Variants in FBXO4 observed in about 807,000 individuals in gnomAD.
The protein encoded by FBXO4 is F-box only protein 4.
In FBXO4, 36 loss-of-function variants were observed where a neutral mutation model predicts 43.7. The observed-to-expected ratio is 0.82, with a 90% CI of 0.63 to 1.09. The LOEUF is 1.09. Ranked by LOEUF, FBXO4 falls within the 50% of genes least tolerant of loss-of-function variation. FBXO4 has a pLI of 0.00. For synonymous variants in FBXO4, 180 were observed against 165.6 expected (o/e 1.09, Z -0.67); for missense variants, 435 against 474.1 (o/e 0.92, Z 0.77).
chr5:41,939,337 A>G (rs1751935772), intron 5 of FBXO4, 104 bp from the exon 6 acceptor site: 1 of 1,018,444 alleles, frequency 9.8e-7, no homozygotes, highest in Non-Finnish European at 1.4e-6. Flanking sequence ...TTATGTTTGG[A>G]TCCTGGTAAA....
chr5:41,961,276 A>G, the FBXO4 span, among the ~76,000 whole-genome samples: 1 of 152,234 alleles, frequency 6.6e-6, no homozygotes, highest in South Asian at 2.1e-4. Context: ...GATGGCTGCT[A>G]AGGTCCTCCC....
chr5:41,977,415 T>A, the FBXO4 span, among the ~76,000 whole-genome samples: 1 of 152,216 alleles, frequency 6.6e-6, no homozygotes, highest in Non-Finnish European at 1.5e-5. Context: ...CCATATCTGA[T>A]TGCAGGCTGT....
the FBXO4 span, among the ~76,000 whole-genome samples, chr5:41,982,030 G>A: frequency 6.6e-6 from 1 of 151,920 alleles, no homozygotes; most frequent in Non-Finnish European, 1.5e-5. Flanking sequence ...ATAATTTGCT[G>A]AGAATGATGG....
At chr5:41,941,829 T>G (rs1752010642), downstream of FBXO4, 1 of 152,356 alleles carries the variant, frequency 6.6e-6, no homozygotes, top group South Asian at 2.1e-4. Flanking sequence ...TCATATTTAA[T>G]ACTGCTTTAG....
At chr5:41,955,675 T>G in the FBXO4 span, among the ~76,000 whole-genome samples, 1 of 152,190 alleles carries the variant, frequency 6.6e-6, no homozygotes, top group Admixed American at 6.5e-5. Flanking sequence ...AAGAGAGTGC[T>G]GCCTAGCGAG....
the FBXO4 span, chr5:41,967,897 T>C: frequency 2.7e-5 from 15 of 565,508 alleles, no homozygotes; most frequent in East Asian, 7.4e-4. Context: ...TATCTCACTG[T>C]TGATTCCCAC....
chr5:41,999,536 C>CACAT, the FBXO4 span, among the ~76,000 whole-genome samples: 1 of 79,882 alleles, frequency 1.3e-5, no homozygotes, highest in South Asian at 3.5e-4. Context: ...TATATATATA[C>CACAT]ATATATATGT....
chr5:41,948,137 C>CTTTT, the FBXO4 span, among the ~76,000 whole-genome samples: 2 of 138,054 alleles, frequency 1.4e-5, no homozygotes, highest in African/African-American at 5.5e-5. Flanking sequence ...TGGCTACAAT[C>CTTTT]TTTTTTTTTT....
chr5:41,925,348 G>C lies in FBXO4; in HGVS notation c.39G>C (p.Pro13=), dbSNP rs1172550941. 2 of 1,366,074 alleles carry C rather than the reference G, an allele frequency of 1.5e-6. No individual in the cohort carries two copies. The highest frequency in any genetic ancestry group is 9.5e-7 in the Non-Finnish European group (1 of 1,055,322). The allele number at this position is 1,366,074 out of a possible 1,614,324, so 84.6% of individuals were successfully genotyped here. A position where few individuals can be genotyped will look rare whatever the true frequency, so the allele number is the denominator to read the frequency against. ...GSEPRSGTNS[P]PPPFSDWGRL... is the part of the protein sequence containing the mutation. ...AGCCGCGCAGCGGAACAAACTCGCC[G>C]CCGCCGCCCTTCAGCGACTGGGGCC... The change falls in exon 1 of 7, where the codon CCG becomes CCC. Residue 13 remains proline, a synonymous_variant. Transcript: ENST00000281623.
chr5:42,032,632 G>T, the FBXO4 span, among the ~76,000 whole-genome samples: 1 of 152,148 alleles, frequency 6.6e-6, no homozygotes, highest in Middle Eastern at 3.2e-3. Flanking sequence ...AGGACAGTGG[G>T]CTCCCCTCTG....
chr5:42,036,840 C>A, the FBXO4 span, among the ~76,000 whole-genome samples: 1 of 151,966 alleles, frequency 6.6e-6, no homozygotes, highest in Non-Finnish European at 1.5e-5. Flanking sequence ...ATACCATATG[C>A]ATTTTGAAAG....
chr5:41,946,142 C>T (rs1444854320), downstream of FBXO4, among the ~76,000 whole-genome samples: 1 of 152,108 alleles, frequency 6.6e-6, no homozygotes, highest in Admixed American at 6.5e-5. Context: ...ACCATGGGAC[C>T]AAAAGGTGGT....
the FBXO4 span, among the ~76,000 whole-genome samples, chr5:41,979,703 A>G: frequency 1.3e-5 from 2 of 152,152 alleles, no homozygotes; most frequent in Non-Finnish European, 2.9e-5. Context: ...CATGGCTAGG[A>G]TGTGTCCTTG....
At chr5:42,036,284 G>C in the FBXO4 span, among the ~76,000 whole-genome samples, 1 of 151,840 alleles carries the variant, frequency 6.6e-6, no homozygotes, top group Middle Eastern at 3.4e-3. Flanking sequence ...CAAAAGTAAA[G>C]TTATGTCTAC....
At chr5:41,931,299 T>G (rs899915508) in intron 3 of FBXO4, among the ~76,000 whole-genome samples, 2 of 152,204 alleles carry the variant, frequency 1.3e-5, no homozygotes, top group African/African-American at 4.8e-5. Context: ...GGATATAAAA[T>G]TGACAGAATA....
chr5:42,016,983 A>T, the FBXO4 span, among the ~76,000 whole-genome samples: 1 of 152,084 alleles, frequency 6.6e-6, no homozygotes, highest in African/African-American at 2.4e-5. Flanking sequence ...ATATCGATTA[A>T]TTAGCAATAT....
chr5:41,992,764 G>A, the FBXO4 span, among the ~76,000 whole-genome samples: 2 of 152,146 alleles, frequency 1.3e-5, no homozygotes, highest in Non-Finnish European at 2.9e-5. Flanking sequence ...ATCTTGAAGA[G>A]CCTTCATCAA....
the FBXO4 span, among the ~76,000 whole-genome samples, chr5:41,989,394 T>G: frequency 6.6e-6 from 1 of 152,156 alleles, no homozygotes; most frequent in East Asian, 1.9e-4. Flanking sequence ...AACTTGGCAA[T>G]CTAAATTATT....
the FBXO4 span, among the ~76,000 whole-genome samples, chr5:42,003,478 A>G: frequency 1.3e-5 from 2 of 152,176 alleles, no homozygotes; most frequent in South Asian, 4.1e-4. Context: ...CTAGCTTATT[A>G]CCACAGATGC....
Sources: gnomAD v4.1 joint callset for allele counts (sites outside exome capture counted in the v4.1 genomes callset) on GRCh38, gnomAD v4.1.1 for gene constraint, MANE v1.5 for transcripts, NCBI Gene and HGNC (gene_info 2026-07-23, HGNC 2026-07-21) for gene names.